The following ADAMTS6 variants were observed in gnomAD, a reference collection of about 807,000 sequenced individuals.
ADAMTS6 encodes ADAM metallopeptidase with thrombospondin type 1 motif 6.
Under a neutral mutation model 144.3 loss-of-function variants are expected in ADAMTS6, and 23 were observed. That is an observed-to-expected ratio of 0.16 (90% confidence interval 0.11 to 0.23). ADAMTS6 has a LOEUF of 0.23. Among genes scored for constraint, ADAMTS6 ranks in the 10% least tolerant of loss-of-function variants. The pLI is 1.00. For synonymous variants in ADAMTS6, 444 were observed against 457.5 expected (o/e 0.97, Z 0.38); for missense variants, 999 against 1,379.6 (o/e 0.72, Z 4.37).
chr5:65,379,089 G>A (rs1175377072), intron 7 of ADAMTS6, among the ~76,000 whole-genome samples: 1 of 152,090 alleles, frequency 6.6e-6, no homozygotes, highest in East Asian at 1.9e-4. Flanking sequence ...TAAAAATAAA[G>A]CCAGTCATCA....
At chr5:65,359,656 T>A (rs1360286150) in intron 7 of ADAMTS6, among the ~76,000 whole-genome samples, 1 of 152,146 alleles carries the variant, frequency 6.6e-6, no homozygotes, top group African/African-American at 2.4e-5. Context: ...ACATTCTACA[T>A]AAACACAATG....
intron 11 of ADAMTS6, among the ~76,000 whole-genome samples, chr5:65,278,806 A>G (rs898182857): frequency 6.6e-6 from 1 of 152,168 alleles, no homozygotes; most frequent in Non-Finnish European, 1.5e-5. Context: ...TTTTTTAATG[A>G]TATTTAAATT....
rs947127728 is a variant in ADAMTS6 at position 65,272,646 on chromosome 5, G to A, written c.1620+694C>T. ...ATCTAAAAGTGACTTTAGATGGGGT[G>A]TGGTAGCTCATGCCTATAGTCCCAG... On this transcript the variant is annotated intron_variant, in intron 12 of 24. Transcript: ENST00000381055. 3.3e-5 allele frequency among the ~76,000 whole-genome samples: 5 copies of A among 152,164 alleles called. No individual in the cohort carries two copies. The East Asian group carries it at 9.7e-4, about 29-fold the overall frequency.
intron 3 of ADAMTS6, among the ~76,000 whole-genome samples, chr5:65,460,547 G>A (rs1424171283): frequency 6.6e-6 from 1 of 152,142 alleles, no homozygotes; most frequent in African/African-American, 2.4e-5. Context: ...ACCTCCATAT[G>A]CTATGCACTG....
At chr5:65,466,146 A>C (rs2150274883) in intron 3 of ADAMTS6, among the ~76,000 whole-genome samples, 1 of 152,276 alleles carries the variant, frequency 6.6e-6, no homozygotes, top group East Asian at 1.9e-4. Context: ...GATGGCTGCT[A>C]GATTATGTTA....
rs538947036 is a variant in ADAMTS6, at chr5:65,183,229, T to C, written c.2910+4787A>G. ...TCTGCTTTCTTGAGCCTAAATTTCATTTTTCCCTCTTTACCCTACTGATAA... is the reference window on the plus strand; with the variant it reads ...TCTGCTTTCTTGAGCCTAAATTTCACTTTTCCCTCTTTACCCTACTGATAA... On this transcript the variant is annotated intron_variant, in intron 22 of 24. Coordinates refer to ENST00000381055, the MANE Select transcript of ADAMTS6 (RefSeq NM_197941.4). Among the ~76,000 whole-genome samples, 16 of 152,278 alleles carry C rather than the reference T, an allele frequency of 1.1e-4. No individual in the cohort carries two copies. The South Asian group carries it at 3.3e-3, about 32-fold the overall frequency.
At chr5:65,361,419 C>T (rs1256213193) in intron 7 of ADAMTS6, among the ~76,000 whole-genome samples, 1 of 152,138 alleles carries the variant, frequency 6.6e-6, no homozygotes. Flanking sequence ...AAGTTCAGTA[C>T]CAATACCACT....
Position 65,225,016 on chromosome 5 carries a change from T to C in ADAMTS6, c.2099A>G (p.Asp700Gly), listed in dbSNP as rs1470887411. 3 of 1,613,998 alleles carry C rather than the reference T, an allele frequency of 1.9e-6. No homozygotes were observed. Among genetic ancestry groups the C allele is most frequent in the Middle Eastern group, 1.6e-4 (1 of 6,062 alleles). The change falls in exon 17 of 25, where the codon GAT becomes GGT. Residue 700 changes from aspartate (D) to glycine (G), a missense_variant. By Grantham distance (94) the Asp-to-Gly change is moderately conservative (BLOSUM62 -1). Transcript: ENST00000381055. The part of the protein sequence containing the change: ...HVGCDNILGS[D>G]AREDRCRVCG... The stretch of plus-strand genomic sequence containing the variant: ...GACTCGACATCTATCTTCCCTAGCA[T>C]CAGATCCCAAAATATTATCACAGCC...
At chr5:65,221,048 C>A (rs1406313907) in intron 18 of ADAMTS6, among the ~76,000 whole-genome samples, 1 of 152,156 alleles carries the variant, frequency 6.6e-6, no homozygotes, top group African/African-American at 2.4e-5. Context: ...CAACTCCATT[C>A]TAGATAGCTT....
chr5:65,396,054 A>C (rs950235750), intron 7 of ADAMTS6, among the ~76,000 whole-genome samples: 2 of 152,228 alleles, frequency 1.3e-5, no homozygotes, highest in African/African-American at 2.4e-5. Flanking sequence ...TTCTTAAAAA[A>C]TAAATACATA....
intron 22 of ADAMTS6, among the ~76,000 whole-genome samples, chr5:65,176,948 A>G (rs577228836): frequency 2.0e-5 from 3 of 152,322 alleles, no homozygotes; most frequent in East Asian, 1.9e-4. Flanking sequence ...CAAAAGGTCA[A>G]TTTCTTAGAA....
chr5:65,339,027 C>T (rs1408663715), intron 7 of ADAMTS6, among the ~76,000 whole-genome samples: 1 of 152,128 alleles, frequency 6.6e-6, no homozygotes, highest in Non-Finnish European at 1.5e-5. Flanking sequence ...GCAGGCACAC[C>T]CCCAGGCTGT....
chr5:65,271,508 G>T (rs1762054619), intron 12 of ADAMTS6, among the ~76,000 whole-genome samples: 1 of 151,104 alleles, frequency 6.6e-6, no homozygotes, highest in Non-Finnish European at 1.5e-5. Context: ...TAATTTCCAA[G>T]AAATTTATCA....
chr5:65,214,897 A>G lies in ADAMTS6; in HGVS notation c.2472T>C (p.Tyr824=), dbSNP rs758409206. The change falls in exon 20 of 25, where the codon TAT becomes TAC. Residue 824 remains tyrosine, a synonymous_variant. Transcript: ENST00000381055. This position sits in a 1 kb window ranked among gnomAD's most constrained non-coding sequence, Gnocchi z 4.6. ...LLQEQNLGIR[Y]KFNVPITRTG... is the part of the protein sequence containing the mutation. ...TTCGAGTGATGGGAACATTGAACTTATACCTAATTCCCAAATTCTGTTCTT... is the reference window on the plus strand; with the variant it reads ...TTCGAGTGATGGGAACATTGAACTTGTACCTAATTCCCAAATTCTGTTCTT... 3 of 1,614,130 alleles carry G rather than the reference A, an allele frequency of 1.9e-6. No individual in the cohort carries two copies. In the South Asian group the frequency reaches 3.3e-5, roughly 18 times the overall value.
At chr5:65,454,698 T>C (rs916040945) in intron 4 of ADAMTS6, among the ~76,000 whole-genome samples, 1 of 152,224 alleles carries the variant, frequency 6.6e-6, no homozygotes, top group Non-Finnish European at 1.5e-5. Flanking sequence ...TCTCCCTTGC[T>C]GACTTAGAGA....
intron 9 of ADAMTS6, among the ~76,000 whole-genome samples, chr5:65,327,477 G>A (rs1746284345): frequency 6.6e-6 from 1 of 151,466 alleles, no homozygotes; most frequent in Non-Finnish European, 1.5e-5. Context: ...GCATTTTTCT[G>A]GCTCTCAATC....
intron 9 of ADAMTS6, among the ~76,000 whole-genome samples, chr5:65,302,648 T>C (rs1285179500): frequency 1.3e-5 from 2 of 150,816 alleles, no homozygotes; most frequent in Non-Finnish European, 2.9e-5. Context: ...AAATCAAACA[T>C]ATATTCTGTC....
chr5:65,256,986 T>TCTC (rs1491329662), intron 14 of ADAMTS6, among the ~76,000 whole-genome samples: 5 of 89,972 alleles, frequency 5.6e-5, no homozygotes, highest in East Asian at 2.9e-4. Context: ...TCTCTCTCTC[T>TCTC]TTTTTTTTTT....
At chr5:65,365,394 C>G (rs1233520604) in intron 7 of ADAMTS6, among the ~76,000 whole-genome samples, 1 of 152,014 alleles carries the variant, frequency 6.6e-6, no homozygotes, top group African/African-American at 2.4e-5. Context: ...ACCTGTAATC[C>G]AAGCACTTTG....
Sources: allele counts gnomAD v4.1 joint callset (sites outside exome capture counted in the v4.1 genomes callset), GRCh38; gene constraint gnomAD v4.1.1; non-coding constraint Gnocchi (gnomAD v3.1); transcripts MANE v1.5; gene names NCBI Gene and HGNC (gene_info 2026-07-23, HGNC 2026-07-21).